Variants in RAD54B observed in about 807,000 individuals in gnomAD.
RAD54B encodes RAD54 homolog B, also known as DNA repair and recombination protein RAD54B.
A neutral mutation model predicts 95.8 loss-of-function variants in RAD54B; 78 were observed. That is an observed-to-expected ratio of 0.81 (90% CI 0.68 to 0.98). The LOEUF (loss-of-function observed/expected upper bound fraction) is 0.98. Among genes scored for constraint, RAD54B ranks in the 50% least tolerant of loss-of-function variants. The pLI, the probability that RAD54B is intolerant of heterozygous loss-of-function variation, is 0.00. For synonymous variants in RAD54B, 328 were observed against 354.9 expected, an observed-to-expected ratio of 0.92 and a Z score of 0.85; for missense variants, 957 against 1,056.6, an observed-to-expected ratio of 0.91 and a Z score of 1.31.
intron 1 of RAD54B, 141 bp from the exon 2 acceptor site, chr8:94,467,696 A>G: frequency 1.2e-6 from 1 of 802,674 alleles, no homozygotes; most frequent in Non-Finnish European, 1.9e-6. Flanking sequence ...ATAGAAACAA[A>G]AGGAAAATCT....
intron 3 of RAD54B, among the ~76,000 whole-genome samples, chr8:94,452,928 T>G (rs919716084): frequency 6.6e-6 from 1 of 152,182 alleles, no homozygotes; most frequent in Admixed American, 6.5e-5. Flanking sequence ...TACTTACATA[T>G]AGATTGAGCA....
At chr8:94,461,208 T>C (rs1405822121) in intron 2 of RAD54B, among the ~76,000 whole-genome samples, 1 of 142,582 alleles carries the variant, frequency 7.0e-6, no homozygotes, top group African/African-American at 2.6e-5. Context: ...GTTTTGCTCT[T>C]GTGGCCCAGG....
chr8:94,464,399 T>C (rs1333619856), intron 2 of RAD54B, among the ~76,000 whole-genome samples: 1 of 151,896 alleles, frequency 6.6e-6, no homozygotes, highest in Admixed American at 6.6e-5. Context: ...TCCCCTAAAA[T>C]CTCCAGAAAT....
At chr8:94,474,620 G>A (rs1813252322) in intron 1 of RAD54B, among the ~76,000 whole-genome samples, 1 of 152,132 alleles carries the variant, frequency 6.6e-6, no homozygotes. Context: ...CAGGACGCTC[G>A]CAGAGCCTTC....
chr8:94,432,544 G>A (rs748467583), intron 3 of RAD54B: 143 of 1,550,494 alleles, frequency 9.2e-5, no homozygotes, highest in Non-Finnish European at 1.2e-4. Context: ...AGTGGAGGAG[G>A]TGGTTTAATG....
chr8:94,375,376 C>T (rs1352583184), intron 14 of RAD54B, among the ~76,000 whole-genome samples: 2 of 152,058 alleles, frequency 1.3e-5, no homozygotes, highest in African/African-American at 4.8e-5. Context: ...CAGGTCTTTC[C>T]TGTGCTGTTC....
chr8:94,405,515 C>T (rs1751428935), intron 5 of RAD54B, among the ~76,000 whole-genome samples: 1 of 152,116 alleles, frequency 6.6e-6, no homozygotes, highest in Non-Finnish European at 1.5e-5. Context: ...CTGGATCTTC[C>T]TAGGTTTCTG....
intron 3 of RAD54B, among the ~76,000 whole-genome samples, chr8:94,434,453 A>G (rs1342055805): frequency 4.6e-5 from 7 of 151,936 alleles, no homozygotes; most frequent in Non-Finnish European, 1.0e-4. Flanking sequence ...TGATATTAGG[A>G]AGAGGTAAAA....
chr8:94,466,609 T>C (rs549898409), intron 2 of RAD54B, among the ~76,000 whole-genome samples: 16 of 152,140 alleles, frequency 1.1e-4, no homozygotes, highest in East Asian at 1.9e-4. Context: ...AGTTTCACCA[T>C]GTTAACCAGG....
intron 11 of RAD54B, among the ~76,000 whole-genome samples, chr8:94,382,200 C>A (rs1810761221): frequency 6.6e-6 from 1 of 151,384 alleles, no homozygotes; most frequent in Non-Finnish European, 1.5e-5. Flanking sequence ...AAGTTCCCAG[C>A]TCAATTAATG....
chr8:94,392,587 C>T (rs11778997), intron 9 of RAD54B, among the ~76,000 whole-genome samples: 1 of 150,502 alleles, frequency 6.6e-6, no homozygotes, highest in African/African-American at 2.4e-5. Flanking sequence ...ACCCTTACAG[C>T]TAAGTTTTTA....
intron 3 of RAD54B, among the ~76,000 whole-genome samples, chr8:94,439,648 G>A (rs1453419822): frequency 8.0e-6 from 1 of 125,434 alleles, no homozygotes; most frequent in Non-Finnish European, 1.6e-5. Flanking sequence ...AAATACATTG[G>A]TTTAGTTCAG....
intron 13 of RAD54B, 45 bp downstream of exon 13, chr8:94,378,523 A>G: frequency 2.0e-6 from 3 of 1,514,606 alleles, no homozygotes; most frequent in Non-Finnish European, 2.7e-6. Context: ...AATAATTTTA[A>G]TTATTCAAAG....
intron 2 of RAD54B, among the ~76,000 whole-genome samples, chr8:94,464,605 T>A (rs939079663): frequency 7.9e-5 from 12 of 152,228 alleles, no homozygotes; most frequent in African/African-American, 2.9e-4. Context: ...CATGAAAATG[T>A]TCTAAAATTG....
chr8:94,472,802 T>C (rs1813202254), intron 1 of RAD54B, among the ~76,000 whole-genome samples: 1 of 152,226 alleles, frequency 6.6e-6, no homozygotes, highest in African/African-American at 2.4e-5. Flanking sequence ...TGCTAAAATT[T>C]CTTTCAACAC....
intron 11 of RAD54B, 47 bp downstream of exon 11, chr8:94,386,937 A>C (rs1447207951): frequency 5.9e-6 from 8 of 1,347,528 alleles, no homozygotes; most frequent in Non-Finnish European, 7.9e-6. Context: ...GAAATAGTGC[A>C]AACTAAAACT....
intron 3 of RAD54B, among the ~76,000 whole-genome samples, chr8:94,445,932 GATAA>G (rs1321529746): frequency 6.6e-6 from 1 of 152,040 alleles, no homozygotes; most frequent in East Asian, 1.9e-4. Context: ...TAGATTGATG[GATAA>G]ATATATAATA....
rs199541885 is a variant in RAD54B at position 94,380,128 on chromosome 8, T to A, written c.2247+17A>T. 10 of 1,589,258 alleles carry A rather than the reference T, an allele frequency of 6.3e-6. No homozygotes were observed. The highest frequency in any genetic ancestry group is 8.6e-6 in the Non-Finnish European group (10 of 1,162,468). On this transcript the variant is annotated intron_variant, in intron 12 of 14. Transcript: ENST00000336148. ...CAGGCATTCAATAATATCTATTTAA[T>A]GCATAAATATTCCTACCTGAATGTC...
intron 2 of RAD54B, among the ~76,000 whole-genome samples, chr8:94,466,748 G>C (rs1455792984): frequency 6.6e-6 from 1 of 152,034 alleles, no homozygotes; most frequent in Non-Finnish European, 1.5e-5. Context: ...AAAATGTTTG[G>C]AATAGTGATA....
Sources: gnomAD v4.1 joint callset for allele counts (sites outside exome capture counted in the v4.1 genomes callset) on GRCh38, gnomAD v4.1.1 for gene constraint, MANE v1.5 for transcripts, NCBI Gene and HGNC (gene_info 2026-07-23, HGNC 2026-07-21) for gene names.